Variants in PALS2 observed in about 807,000 individuals in gnomAD.
PALS2 encodes protein associated with LIN7 2, MAGUK p55 family member.
In PALS2, 27 loss-of-function variants were observed where a neutral mutation model predicts 61.6. The observed-to-expected ratio is 0.44, with a 90% confidence interval of 0.32 to 0.60. The LOEUF (loss-of-function observed/expected upper bound fraction) is 0.60, where lower values mean the gene tolerates loss of function less well. PALS2 is among the 20% of genes least tolerant of loss of function. The pLI is 0.05. For synonymous variants in PALS2, 236 were observed against 218.6 expected (o/e 1.08, Z -0.70); for missense variants, 554 against 639.4 (o/e 0.87, Z 1.44).
chr7:24,623,331 CCTT>C (rs1450223126), intron 1 of PALS2, among the ~76,000 whole-genome samples: 8 of 149,848 alleles, frequency 5.3e-5, no homozygotes, highest in African/African-American at 1.7e-4. Context: ...TAGACTTTTT[CCTT>C]CTTATAAGTC....
intron 1 of PALS2, among the ~76,000 whole-genome samples, chr7:24,583,180 C>T (rs948696459): frequency 1.3e-5 from 2 of 151,738 alleles, no homozygotes; most frequent in Non-Finnish European, 2.9e-5. Flanking sequence ...CGTGAGCCAC[C>T]GTGCCTGGAA....
At chr7:24,633,974 A>G (rs1475037697) in intron 2 of PALS2, among the ~76,000 whole-genome samples, 1 of 152,174 alleles carries the variant, frequency 6.6e-6, no homozygotes, top group Admixed American at 6.5e-5. Flanking sequence ...CCTGGAGACT[A>G]ATGATATTGA....
intron 2 of PALS2, among the ~76,000 whole-genome samples, chr7:24,639,075 T>C (rs1316723404): frequency 6.6e-6 from 1 of 152,158 alleles, no homozygotes; most frequent in Admixed American, 6.5e-5. Flanking sequence ...ATAGATACGG[T>C]GTAATGGAAT....
intron 5 of PALS2, among the ~76,000 whole-genome samples, chr7:24,651,929 T>C (rs1786173200): frequency 1.3e-5 from 2 of 152,326 alleles, no homozygotes; most frequent in South Asian, 4.1e-4. Flanking sequence ...GTCATTAATA[T>C]TAGCATGTAA....
intron 8 of PALS2, among the ~76,000 whole-genome samples, chr7:24,667,185 C>A (rs1787064218): frequency 6.6e-6 from 1 of 152,132 alleles, no homozygotes; most frequent in Non-Finnish European, 1.5e-5. Context: ...TTCAAATCAT[C>A]ACTTTGGCCC....
intron 9 of PALS2, among the ~76,000 whole-genome samples, chr7:24,672,913 T>G (rs1787372819): frequency 1.3e-5 from 2 of 152,206 alleles, no homozygotes; most frequent in African/African-American, 2.4e-5. Context: ...TCTACTTTCC[T>G]CAACTAGAAC....
rs748284611 is a variant in PALS2, at chr7:24,668,652, C to T, written c.1106C>T (p.Thr369Met). Reference protein sequence around the residue: ...IVLNPTRFGTTVPFTSRKPRE... With the variant: ...IVLNPTRFGTMVPFTSRKPRE... Reference sequence around the variant, plus strand: ...TTGAATCCCACTAGATTTGGAACTACGGTGCCATGTAAGTTTTCTGTGTTT... The same window carrying T: ...TTGAATCCCACTAGATTTGGAACTATGGTGCCATGTAAGTTTTCTGTGTTT... Residue 369 changes from threonine (T) to methionine (M), a missense_variant, in exon 9 of 12, where the codon ACG becomes ATG. By Grantham distance (81) the Thr-to-Met change is moderately conservative. Transcript: ENST00000222644. 1.1e-5 allele frequency: 17 copies of T among 1,613,542 alleles called. No homozygotes were observed. The highest frequency in any genetic ancestry group is 8.8e-5 in the South Asian group (8 of 91,030).
intron 9 of PALS2, among the ~76,000 whole-genome samples, chr7:24,673,130 A>C (rs555672006): frequency 1.4e-4 from 22 of 152,080 alleles, no homozygotes; most frequent in Non-Finnish European, 2.8e-4. Flanking sequence ...GATCTTGCCA[A>C]ATGCTTTTTC....
chr7:24,578,841 TCTC>T (rs1782734011), intron 1 of PALS2, among the ~76,000 whole-genome samples: 1 of 152,168 alleles, frequency 6.6e-6, no homozygotes, highest in Non-Finnish European at 1.5e-5. Flanking sequence ...AACACTCGTC[TCTC>T]CTCTTTTTAA....
Position 24,687,084 on chromosome 7 carries a change from C to A in PALS2, c.1447-354C>A, listed in dbSNP as rs767710960. Among the ~76,000 whole-genome samples the A allele has an allele frequency of 6.7e-4, 102 of 152,176 alleles. 1 individual carries two copies. Among genetic ancestry groups the A allele is most frequent in the East Asian group, 5.8e-4 (3 of 5,190 alleles). ...CATGGGCCATGAGATAAAAATCTTT[C>A]GAAAAGGATGATATAGTGGAGCTGG... On this transcript the variant is annotated intron_variant, in intron 11 of 11. Coordinates refer to ENST00000222644, the MANE Select transcript of PALS2 (RefSeq NM_001303037.2). This position sits in a 1 kb window ranked among gnomAD's most constrained non-coding sequence, Gnocchi z 4.5.
At chr7:24,611,069 C>A (rs557174265) in intron 1 of PALS2, among the ~76,000 whole-genome samples, 32 of 152,202 alleles carry the variant, frequency 2.1e-4, no homozygotes, top group South Asian at 2.1e-4. Context: ...AAAATAGGCA[C>A]GGCCTAGTAT....
intron 1 of PALS2, among the ~76,000 whole-genome samples, chr7:24,587,219 G>A (rs1783101464): frequency 6.6e-6 from 1 of 152,026 alleles, no homozygotes; most frequent in South Asian, 2.1e-4. Context: ...AAAAACATTG[G>A]AAGGACGAAG....
intron 2 of PALS2, among the ~76,000 whole-genome samples, chr7:24,634,495 G>T (rs1250815729): frequency 6.6e-6 from 1 of 152,180 alleles, no homozygotes; most frequent in Non-Finnish European, 1.5e-5. Context: ...CTCCTAAAGT[G>T]CTGGGATTAC....
At chr7:24,685,502 C>A (rs115595777) in intron 11 of PALS2, among the ~76,000 whole-genome samples, 1,818 of 152,158 alleles carry the variant, frequency 0.012, 48 homozygotes, top group African/African-American at 0.041. Flanking sequence ...CTCCTCCCCC[C>A]CATTTTATAC....
intron 3 of PALS2, among the ~76,000 whole-genome samples, chr7:24,647,948 A>G (rs576314101): frequency 5.6e-4 from 86 of 152,356 alleles, no homozygotes; most frequent in South Asian, 8.3e-4. Flanking sequence ...TTGTCAATGC[A>G]TAAGTAGTGG....
rs142984538 is a variant in PALS2, at chr7:24,620,876, G to C, written c.-2-2790G>C. Among the ~76,000 whole-genome samples, 132 of 152,226 alleles carry C rather than the reference G, an allele frequency of 8.7e-4. 2 individuals are homozygous for C. The East Asian group carries it at 0.023, about 26-fold the overall frequency. ...TGTGAAACAAGATTGGCCATGAGTTGCTAATTGTTGGAGCTGATCATTGTG... is the reference window on the plus strand; with the variant it reads ...TGTGAAACAAGATTGGCCATGAGTTCCTAATTGTTGGAGCTGATCATTGTG... On this transcript the variant is annotated intron_variant, in intron 1 of 11. Coordinates refer to ENST00000222644, the MANE Select transcript of PALS2 (RefSeq NM_001303037.2).
rs1352657459 is a variant in PALS2 at position 24,595,947 on chromosome 7, A to G, written c.-3+22354A>G. ...GGAGATGAACTGGTCTAGTTTGAAAACAGAAAGGAGCCCAGTGTGACTGGA... is the reference window on the plus strand; with the variant it reads ...GGAGATGAACTGGTCTAGTTTGAAAGCAGAAAGGAGCCCAGTGTGACTGGA... On this transcript the variant is annotated intron_variant, in intron 1 of 11. Transcript: ENST00000222644. Among the ~76,000 whole-genome samples, 4 of 151,828 alleles carry G rather than the reference A, an allele frequency of 2.6e-5. No individual in the cohort carries two copies. The Admixed American group carries it at 2.6e-4, about 10-fold the overall frequency.
rs556864173 is a variant in PALS2 at position 24,693,992 on chromosome 7, A to G, written c.*6378A>G. 1 of 152,194 alleles carries G rather than the reference A, an allele frequency of 6.6e-6. No homozygotes were observed. The highest frequency in any genetic ancestry group is 1.5e-5 in the Non-Finnish European group (1 of 68,000). 9.4% of individuals were successfully genotyped at this position (152,194 alleles called of 1,614,324 possible). A position where few individuals can be genotyped will look rare whatever the true frequency, so the allele number is the denominator to read the frequency against. On this transcript the variant is annotated 3_prime_UTR_variant, in exon 12 of 12. Transcript: ENST00000222644. ...CTAGTTTTTGAAGTAACTGTAGAAG[A>G]GAATCTTTAAAAAAAAAAATGGAGG... is the stretch of plus-strand genomic sequence containing the variant.
At chr7:24,643,107 A>G (rs1039601398) in intron 3 of PALS2, among the ~76,000 whole-genome samples, 1 of 152,324 alleles carries the variant, frequency 6.6e-6, no homozygotes, top group Non-Finnish European at 1.5e-5. Flanking sequence ...TGGGAAGTTG[A>G]TAACACAATT....
Sources: allele counts gnomAD v4.1 joint callset (sites outside exome capture counted in the v4.1 genomes callset), GRCh38; gene constraint gnomAD v4.1.1; non-coding constraint Gnocchi (gnomAD v3.1); transcripts MANE v1.5; gene names NCBI Gene and HGNC (gene_info 2026-07-23, HGNC 2026-07-21).